CAST: variants seen among roughly 807,000 people sequenced by gnomAD.
CAST encodes MIR583 host.
Under a neutral mutation model 119.6 loss-of-function variants are expected in CAST, and 76 were observed. The ratio of observed to expected loss-of-function variants is 0.64; its 90% CI spans 0.53 to 0.77. The LOEUF is 0.77. Among genes scored for constraint, CAST ranks in the 30% least tolerant of loss-of-function variants. CAST has a pLI of 0.00. For missense variants in CAST, 953 were observed against 946.5 expected (o/e 1.01, Z -0.09); for synonymous variants, 319 against 331.6 (o/e 0.96, Z 0.41).
the CAST span, among the ~76,000 whole-genome samples, chr5:96,188,143 A>G: frequency 7.2e-5 from 11 of 152,220 alleles, no homozygotes; most frequent in Non-Finnish European, 1.5e-4. Flanking sequence ...ATTACACAAA[A>G]TGATGCTAAC....
chr5:96,014,826 T>C, the CAST span, among the ~76,000 whole-genome samples: 1 of 152,194 alleles, frequency 6.6e-6, no homozygotes, highest in African/African-American at 2.4e-5. Context: ...AATTTTAATT[T>C]GGAAGAGGTG....
At chr5:96,642,446 G>T (rs1469498455) in intron 1 of CAST, among the ~76,000 whole-genome samples, 2 of 152,290 alleles carry the variant, frequency 1.3e-5, no homozygotes, top group Admixed American at 6.5e-5. Context: ...ACAGGGCCAG[G>T]AGGTCATGAG....
intron 6 of CAST, among the ~76,000 whole-genome samples, chr5:96,728,084 A>G (rs114696654): frequency 0.019 from 2,905 of 152,282 alleles, 72 homozygotes; most frequent in African/African-American, 0.064. Context: ...CTGCCTCTGC[A>G]TGGAGGTGAA....
chr5:96,491,806 A>G, the CAST span, among the ~76,000 whole-genome samples: 1 of 152,204 alleles, frequency 6.6e-6, no homozygotes, highest in Non-Finnish European at 1.5e-5. Flanking sequence ...TATCCCTACA[A>G]TGGTGCACTA....
chr5:96,528,990 G>A (rs1017670003), upstream of CAST, among the ~76,000 whole-genome samples: 2 of 152,312 alleles, frequency 1.3e-5, no homozygotes, highest in African/African-American at 2.4e-5. Flanking sequence ...TGGTGACTAC[G>A]ACTCCTCCTG....
chr5:96,158,238 C>T, the CAST span, among the ~76,000 whole-genome samples: 1 of 152,174 alleles, frequency 6.6e-6, no homozygotes, highest in African/African-American at 2.4e-5. Context: ...AAGAGTCAGT[C>T]ATGGATTTTT....
At chr5:96,657,228 G>T (rs1748176772), upstream of CAST, among the ~76,000 whole-genome samples, 1 of 152,212 alleles carries the variant, frequency 6.6e-6, no homozygotes, top group Admixed American at 6.5e-5. Flanking sequence ...CAAAGAGTTT[G>T]CAGTATTGTG....
the CAST span, among the ~76,000 whole-genome samples, chr5:96,293,811 G>T: frequency 6.6e-6 from 1 of 151,980 alleles, no homozygotes; most frequent in African/African-American, 2.4e-5. Flanking sequence ...AGGCTGGTGT[G>T]CAGTAGCCCA....
At chr5:96,072,855 G>A in the CAST span, among the ~76,000 whole-genome samples, 2 of 152,316 alleles carry the variant, frequency 1.3e-5, no homozygotes, top group South Asian at 2.1e-4. Flanking sequence ...ATTTCAAGAG[G>A]TTCAAAGACA....
At chr5:96,221,854 A>G in the CAST span, among the ~76,000 whole-genome samples, 1 of 152,190 alleles carries the variant, frequency 6.6e-6, no homozygotes, top group Admixed American at 6.5e-5. Flanking sequence ...CTGACTTCAA[A>G]GTATATTACA....
chr5:96,094,852 G>T, the CAST span, among the ~76,000 whole-genome samples: 1 of 152,172 alleles, frequency 6.6e-6, no homozygotes. Context: ...CAATACAGAG[G>T]CTTGCATATT....
At chr5:96,292,956 T>C in the CAST span, among the ~76,000 whole-genome samples, 3 of 152,234 alleles carry the variant, frequency 2.0e-5, no homozygotes, top group African/African-American at 4.8e-5. Flanking sequence ...CCGACTGATA[T>C]AGTTCTCCAC....
At chr5:96,745,124 G>A (rs1478866472) in intron 16 of CAST, among the ~76,000 whole-genome samples, 4 of 152,198 alleles carry the variant, frequency 2.6e-5, no homozygotes, top group African/African-American at 9.7e-5. Flanking sequence ...AGGTGACCCT[G>A]GATGTTCATG....
chr5:96,056,931 A>G, the CAST span, among the ~76,000 whole-genome samples: 1 of 152,162 alleles, frequency 6.6e-6, no homozygotes, highest in Admixed American at 6.6e-5. Context: ...AAATTTTTTT[A>G]GACAAAATAA....
chr5:96,386,865 T>G, the CAST span, among the ~76,000 whole-genome samples: 95 of 152,224 alleles, frequency 6.2e-4, 1 homozygote, highest in South Asian at 0.018. Flanking sequence ...CTCAGGAGAC[T>G]GAGACAGGAG....
At chr5:95,971,960 C>CA in the CAST span, among the ~76,000 whole-genome samples, 1 of 136,994 alleles carries the variant, frequency 7.3e-6, no homozygotes, top group Non-Finnish European at 1.6e-5. Flanking sequence ...TCTTTTATTT[C>CA]TTTTTTTTTT....
the CAST span, among the ~76,000 whole-genome samples, chr5:96,409,969 G>A: frequency 6.6e-6 from 1 of 152,054 alleles, no homozygotes; most frequent in Non-Finnish European, 1.5e-5. Context: ...ATTATTATAG[G>A]GTTCACCCAC....
chr5:96,746,125 A>C (rs1217013182), intron 16 of CAST, among the ~76,000 whole-genome samples: 1 of 152,234 alleles, frequency 6.6e-6, no homozygotes, highest in Non-Finnish European at 1.5e-5. Flanking sequence ...GCAGTTGCCC[A>C]GGATCCCTGG....
chr5:95,995,923 T>C, the CAST span, among the ~76,000 whole-genome samples: 1 of 152,122 alleles, frequency 6.6e-6, no homozygotes, highest in East Asian at 1.9e-4. Flanking sequence ...AGATAGTCTA[T>C]ATGGTAGACA....
Sources: gnomAD v4.1 joint callset for allele counts (sites outside exome capture counted in the v4.1 genomes callset) on GRCh38, gnomAD v4.1.1 for gene constraint, MANE v1.5 for transcripts, NCBI Gene and HGNC (gene_info 2026-07-23, HGNC 2026-07-21) for gene names.